CSGALNACT1: variants seen among roughly 807,000 people sequenced by gnomAD.
CSGALNACT1 encodes chondroitin sulfate N-acetylgalactosaminyltransferase 1, also known as beta4GalNAcT-1.
In CSGALNACT1, 52 loss-of-function variants were observed where a neutral mutation model predicts 51.0. That is an observed-to-expected ratio of 1.02 (90% confidence interval 0.82 to 1.29). CSGALNACT1 has a LOEUF of 1.29. Ranked by LOEUF, CSGALNACT1 falls within the 50% of genes most tolerant of loss-of-function variation. The probability of loss-of-function intolerance (pLI) is 0.00; values close to 1 mark genes in which losing one functional copy is unlikely to be tolerated. For missense variants in CSGALNACT1, 935 were observed against 679.2 expected (o/e 1.38, Z -4.19); for synonymous variants, 341 against 254.4 (o/e 1.34, Z -3.24).
At chr8:19,661,880 G>A (rs1408125439) in intron 1 of CSGALNACT1, among the ~76,000 whole-genome samples, 1 of 152,024 alleles carries the variant, frequency 6.6e-6, no homozygotes, top group Admixed American at 6.6e-5. Context: ...GTTTCTCCTC[G>A]TATATAACCT....
intron 1 of CSGALNACT1, among the ~76,000 whole-genome samples, chr8:19,722,448 A>G (rs2063176668): frequency 6.6e-6 from 1 of 152,206 alleles, no homozygotes; most frequent in Admixed American, 6.5e-5. Flanking sequence ...GTTTCCAGAT[A>G]CAAAAACAGA....
At chr8:19,670,236 T>C (rs2059685999) in intron 1 of CSGALNACT1, among the ~76,000 whole-genome samples, 1 of 152,166 alleles carries the variant, frequency 6.6e-6, no homozygotes, top group South Asian at 2.1e-4. Flanking sequence ...ACCTCCACAG[T>C]CTCCTTCAGT....
Position 19,601,755 on chromosome 8 carries a change from G to C in CSGALNACT1, c.-416+16C>G, listed in dbSNP as rs1414869246. 11 of 449,880 alleles carry C rather than the reference G, an allele frequency of 2.4e-5. No homozygotes were observed. The Admixed American group carries it at 2.6e-4, about 11-fold the overall frequency. 27.9% of individuals were successfully genotyped at this position (449,880 alleles called of 1,614,324 possible). A position where few individuals can be genotyped will look rare whatever the true frequency, so the allele number is the denominator to read the frequency against. On this transcript the variant is annotated intron_variant, in intron 2 of 9. Coordinates refer to ENST00000454498, the Ensembl canonical transcript of CSGALNACT1. ...CCATGCAAAGGTTTGTTTCTTGAGT[G>C]AAAATGCTCACTTACCTGGGGGTTC... is the stretch of plus-strand genomic sequence containing the variant.
intron 3 of CSGALNACT1, among the ~76,000 whole-genome samples, chr8:19,572,589 A>G (rs1032824291): frequency 6.6e-6 from 1 of 152,218 alleles, no homozygotes; most frequent in Non-Finnish European, 1.5e-5. Context: ...TAACTCAGCA[A>G]CTACAATAAA....
chr8:19,634,872 G>C (rs532215150), intron 1 of CSGALNACT1, among the ~76,000 whole-genome samples: 1 of 152,292 alleles, frequency 6.6e-6, no homozygotes, highest in South Asian at 2.1e-4. Context: ...TGTGATGGAA[G>C]CCCAAGCTAA....
intron 5 of CSGALNACT1, among the ~76,000 whole-genome samples, chr8:19,448,372 T>A (rs2062510061): frequency 6.6e-6 from 1 of 152,164 alleles, no homozygotes; most frequent in Non-Finnish European, 1.5e-5. Flanking sequence ...TCAACCAGGT[T>A]TTCCTGCGAT....
At chr8:19,473,734 G>C (rs536606721) in intron 4 of CSGALNACT1, among the ~76,000 whole-genome samples, 50 of 152,314 alleles carry the variant, frequency 3.3e-4, no homozygotes, top group Non-Finnish European at 6.2e-4. Context: ...TTAATTAGTG[G>C]TGGAAATTCA....
chr8:19,672,526 C>G (rs187019745), intron 1 of CSGALNACT1, among the ~76,000 whole-genome samples: 82 of 152,300 alleles, frequency 5.4e-4, no homozygotes, highest in Admixed American at 1.6e-3. Flanking sequence ...TGGAAACCAC[C>G]ATTCAACCTG....
chr8:19,497,460 C>G (rs1033829435), intron 4 of CSGALNACT1, among the ~76,000 whole-genome samples: 1 of 152,108 alleles, frequency 6.6e-6, no homozygotes, highest in Non-Finnish European at 1.5e-5. Context: ...CTACCTCCCC[C>G]GACCACATCA....
chr8:19,521,068 T>C (rs2080579568), intron 3 of CSGALNACT1, among the ~76,000 whole-genome samples: 1 of 152,084 alleles, frequency 6.6e-6, no homozygotes, highest in Non-Finnish European at 1.5e-5. Context: ...AAGGGAGGTG[T>C]GCGGGGAGAC....
At chr8:19,742,091 AG>A (rs2064352311) in intron 1 of CSGALNACT1, among the ~76,000 whole-genome samples, 1 of 152,214 alleles carries the variant, frequency 6.6e-6, no homozygotes, top group Non-Finnish European at 1.5e-5. Context: ...GGCATACACT[AG>A]GCAAAATATA....
At chr8:19,650,974 G>C (rs553181060) in intron 1 of CSGALNACT1, among the ~76,000 whole-genome samples, 1 of 152,272 alleles carries the variant, frequency 6.6e-6, no homozygotes, top group Admixed American at 6.5e-5. Context: ...TACAGCATCA[G>C]GAGAACACCA....
At chr8:19,672,090 G>A (rs1211833565) in intron 1 of CSGALNACT1, among the ~76,000 whole-genome samples, 1 of 152,174 alleles carries the variant, frequency 6.6e-6, no homozygotes, top group East Asian at 1.9e-4. Context: ...ATATACTTGA[G>A]CTGCATAGGG....
rs1048890041 is a variant in CSGALNACT1, at chr8:19,554,197, A to G, written c.-297+36963T>C. ...TCCTAAAGGGTTCCAAAGAAAAAGT[A>G]CAAGTTATCTGCAAGGGAAGGAGAG... On this transcript the variant is annotated intron_variant, in intron 3 of 9. Coordinates refer to ENST00000454498, the Ensembl canonical transcript of CSGALNACT1. Among the ~76,000 whole-genome samples, 5 of 152,372 alleles carry G rather than the reference A, an allele frequency of 3.3e-5. No homozygotes were observed. The South Asian group carries it at 1.0e-3, about 32-fold the overall frequency.
intron 7 of CSGALNACT1, 123 bp downstream of exon 6, chr8:19,420,217 C>T (rs956310705): frequency 5.6e-6 from 5 of 885,980 alleles, no homozygotes; most frequent in Non-Finnish European, 3.7e-6. Context: ...CTTTTCTTTG[C>T]TATTGAAGTA....
chr8:19,494,646 C>T (rs1047786286), intron 4 of CSGALNACT1, among the ~76,000 whole-genome samples: 1 of 152,214 alleles, frequency 6.6e-6, no homozygotes, highest in African/African-American at 2.4e-5. Flanking sequence ...TCCCATTACA[C>T]ATCTATTCCT....
intron 1 of CSGALNACT1, among the ~76,000 whole-genome samples, chr8:19,658,747 C>CA (rs1203449337): frequency 8.9e-4 from 135 of 151,938 alleles, no homozygotes; most frequent in East Asian, 2.5e-3. Flanking sequence ...ACAACAACAA[C>CA]AACAAAAAAC....
intron 1 of CSGALNACT1, among the ~76,000 whole-genome samples, chr8:19,716,087 C>T (rs2062789198): frequency 6.6e-6 from 1 of 152,136 alleles, no homozygotes; most frequent in Admixed American, 6.5e-5. Context: ...CCCCAGAAAC[C>T]AAGGAAATGG....
chr8:19,404,698 C>T, exon 10 of CSGALNACT1: 1 of 454,360 alleles, frequency 2.2e-6, no homozygotes, highest in Non-Finnish European at 4.4e-6. Context: ...TTGTTTGGTT[C>T]ACACGGTATA....
Sources: gnomAD v4.1 joint callset for allele counts (sites outside exome capture counted in the v4.1 genomes callset) on GRCh38, gnomAD v4.1.1 for gene constraint, MANE v1.5 for transcripts, NCBI Gene and HGNC (gene_info 2026-07-23, HGNC 2026-07-21) for gene names.